The following LBR variants were observed in gnomAD, a reference collection of about 807,000 sequenced individuals.
The protein encoded by LBR is delta(14)-sterol reductase LBR.
In LBR, 28 loss-of-function variants were observed where a neutral mutation model predicts 74.3. The ratio of observed to expected loss-of-function variants is 0.38; its 90% CI spans 0.28 to 0.52. The LOEUF (loss-of-function observed/expected upper bound fraction) is 0.52. Ranked by LOEUF, LBR falls within the 20% of genes least tolerant of loss-of-function variation. LBR has a pLI of 0.89. For synonymous variants in LBR, 228 were observed against 269.3 expected (o/e 0.85, Z 1.50); for missense variants, 717 against 760.3 (o/e 0.94, Z 0.67).
chr1:225,407,527 T>C (rs2096094786), intron 10 of LBR, among the ~76,000 whole-genome samples: 1 of 152,164 alleles, frequency 6.6e-6, no homozygotes, highest in Admixed American at 6.5e-5. Context: ...AGTGCATTAC[T>C]CCCTGGTGAT....
At chr1:225,424,825 C>G (rs1193937873) in intron 1 of LBR, among the ~76,000 whole-genome samples, 1 of 152,230 alleles carries the variant, frequency 6.6e-6, no homozygotes, top group Non-Finnish European at 1.5e-5. Context: ...GCAAGAACTG[C>G]CACTTACGTG....
chr1:225,423,938 C>T lies in LBR; in HGVS notation c.138G>A (p.Glu46=). 1 of 1,613,926 alleles carries T rather than the reference C, an allele frequency of 6.2e-7. No individual in the cohort carries two copies. Among genetic ancestry groups the T allele is most frequent in the Non-Finnish European group, 8.5e-7 (1 of 1,179,778 alleles). Residue 46 remains glutamate (E), a synonymous_variant, in exon 2 of 14, where the codon GAG becomes GAA. Transcript: ENST00000272163. The stretch of plus-strand genomic sequence containing the variant: ...TAATATCATTCTCTTTCAATTCAAG[C>T]TCTGTTCCATCTTTATACTTCACAG... ...LYTVKYKDGT[E]LELKENDIKP...
intron 3 of LBR, among the ~76,000 whole-genome samples, chr1:225,420,001 G>A (rs2096124638): frequency 6.6e-6 from 1 of 152,120 alleles, no homozygotes; most frequent in South Asian, 2.1e-4. Flanking sequence ...ATATTGGATA[G>A]ATTTCTACAT....
chr1:225,409,161 A>AAT (rs377760889), intron 10 of LBR, among the ~76,000 whole-genome samples: 88,856 of 151,976 alleles, frequency 0.58, 27,938 homozygotes, highest in East Asian at 0.85. Context: ...TTTTAAAGTC[A>AAT]ATTTGAAGTG....
intron 9 of LBR, 122 bp downstream of exon 9, chr1:225,411,215 A>G (rs903421170): frequency 2.7e-5 from 21 of 775,128 alleles, no homozygotes; most frequent in Non-Finnish European, 4.9e-5. Context: ...AGATTTATGG[A>G]AAGCCATAAT....
chr1:225,403,175 G>T lies in LBR; in HGVS notation c.*128C>A. 1 of 827,218 alleles carries T rather than the reference G, an allele frequency of 1.2e-6. No homozygotes were observed. Among genetic ancestry groups the T allele is most frequent in the Non-Finnish European group, 2.0e-6 (1 of 493,534 alleles). The allele number at this position is 827,218 out of a possible 1,614,324, so 51.2% of individuals were successfully genotyped here. A position where few individuals can be genotyped will look rare whatever the true frequency, so the allele number is the denominator to read the frequency against. ...ATCAACTACTCGGCTCCATAGTCCT[G>T]ACTCAAAAAGAAAAAAAAAAGTACA... On this transcript the variant is annotated 3_prime_UTR_variant, in exon 14 of 14. Transcript: ENST00000272163.
intron 5 of LBR, among the ~76,000 whole-genome samples, chr1:225,418,383 A>T (rs2096121408): frequency 6.6e-6 from 1 of 151,798 alleles, no homozygotes; most frequent in Non-Finnish European, 1.5e-5. Context: ...TAAAAAAAAT[A>T]AATAAATAAA....
intron 10 of LBR, 23 bp downstream of exon 10, chr1:225,410,268 C>T (rs1339546709): frequency 1.2e-6 from 2 of 1,613,544 alleles, no homozygotes; most frequent in Non-Finnish European, 8.5e-7. Flanking sequence ...GACTCCAAGG[C>T]CTCGGCTCTT....
chr1:225,414,359 G>A, intron 7 of LBR: 2 of 337,146 alleles, frequency 5.9e-6, no homozygotes, highest in East Asian at 7.7e-5. Context: ...GAATTGAAAG[G>A]ATAAAAAGTT....
chr1:225,419,778 G>A lies in LBR; in HGVS notation c.387C>T (p.Ile129=), dbSNP rs750508266. 6.2e-7 allele frequency: 1 copy of A among 1,610,546 alleles called. No homozygotes were observed. The highest frequency in any genetic ancestry group is 1.7e-5 in the Admixed American group (1 of 59,984). The change falls in exon 4 of 14, where the codon ATC becomes ATT. Residue 129 remains isoleucine, a synonymous_variant. Transcript: ENST00000272163. ...GCTCAGGCTCCCCATTATATCTGCTGATGCTATTTCCAAATGGCTTCTAAA... is the reference window on the plus strand; with the variant it reads ...GCTCAGGCTCCCCATTATATCTGCTAATGCTATTTCCAAATGGCTTCTAAA... The part of the protein sequence containing the change: ...PLILKPFGNS[I]SRYNGEPEHI...
chr1:225,416,213 AAGAG>A (rs900533691), intron 6 of LBR, among the ~76,000 whole-genome samples: 52 of 137,896 alleles, frequency 3.8e-4, no homozygotes, highest in African/African-American at 1.0e-3. Flanking sequence ...AAAAAAAAAA[AAGAG>A]AGAGAGAGAG....
Position 225,404,487 on chromosome 1 carries a change from A to G in LBR, c.1604T>C (p.Leu535Pro), listed in dbSNP as rs2096087348. Residue 535 changes from leucine (L) to proline (P), a missense_variant, in exon 13 of 14, where the codon CTA (leucine) becomes CCA (proline). Coordinates refer to ENST00000272163, the MANE Select transcript of LBR (RefSeq NM_002296.4). ...AACAAAGCCCCACCATCCAGAAACT[A>G]GAAGATTTTTTCCCGTTGAAGTATG... is the stretch of plus-strand genomic sequence containing the variant. ...TIHTSTGKNL[L>P]VSGWWGFVRH... is the part of the protein sequence containing the mutation. 2.5e-6 allele frequency: 4 copies of G among 1,613,684 alleles called. No homozygotes were observed. Among genetic ancestry groups the G allele is most frequent in the East Asian group, 2.2e-5 (1 of 44,902 alleles).
At chr1:225,419,594 C>T in intron 4 of LBR, 121 bp downstream of exon 4, 2 of 1,027,296 alleles carry the variant, frequency 1.9e-6, no homozygotes, top group Non-Finnish European at 3.0e-6. Flanking sequence ...AATTTAAGGA[C>T]AGAATTTTAG....
At chr1:225,425,006 G>A (rs2096136270) in intron 1 of LBR, among the ~76,000 whole-genome samples, 1 of 152,158 alleles carries the variant, frequency 6.6e-6, no homozygotes, top group African/African-American at 2.4e-5. Context: ...CACGTCCAAG[G>A]GGCAGCCAGT....
At chr1:225,426,027 C>T (rs1007468604) in intron 1 of LBR, among the ~76,000 whole-genome samples, 4 of 152,228 alleles carry the variant, frequency 2.6e-5, no homozygotes, top group African/African-American at 7.2e-5. Flanking sequence ...ATCAATTATT[C>T]TGGGTTAAAC....
chr1:225,417,323 T>C (rs976727606), intron 6 of LBR, among the ~76,000 whole-genome samples: 2 of 152,118 alleles, frequency 1.3e-5, no homozygotes, highest in Non-Finnish European at 2.9e-5. Context: ...TTTAAATAAA[T>C]TATTTATTAC....
At chr1:225,428,081 G>C (rs1388269701), upstream of LBR, 4 of 151,878 alleles carry the variant, frequency 2.6e-5, no homozygotes, top group Non-Finnish European at 4.4e-5. Flanking sequence ...CAAGCCGGGC[G>C]CGCGCCTCCC....
intron 2 of LBR, among the ~76,000 whole-genome samples, chr1:225,423,589 C>A (rs983032686): frequency 6.6e-6 from 1 of 152,142 alleles, no homozygotes; most frequent in Non-Finnish European, 1.5e-5. Flanking sequence ...CCTCTGAAAG[C>A]CTCCCCTGAA....
chr1:225,421,337 C>CA (rs1310748690), intron 3 of LBR, among the ~76,000 whole-genome samples: 1 of 152,084 alleles, frequency 6.6e-6, no homozygotes, highest in Non-Finnish European at 1.5e-5. Context: ...ACTAAAAATA[C>CA]AAAAAATCAG....
Sources: allele counts gnomAD v4.1 joint callset (sites outside exome capture counted in the v4.1 genomes callset), GRCh38; gene constraint gnomAD v4.1.1; transcripts MANE v1.5; gene names NCBI Gene and HGNC (gene_info 2026-07-23, HGNC 2026-07-21).